The following PRKAR2B variants were observed in gnomAD, a reference collection of about 807,000 sequenced individuals.
PRKAR2B encodes the protein cAMP-dependent protein kinase type II-beta regulatory subunit.
A neutral mutation model predicts 49.9 loss-of-function variants in PRKAR2B; 14 were observed. The ratio of observed to expected loss-of-function variants is 0.28; its 90% CI spans 0.19 to 0.44. PRKAR2B has a LOEUF of 0.44. Among genes scored for constraint, PRKAR2B ranks in the 20% least tolerant of loss-of-function variants. The pLI is 1.00. For missense variants in PRKAR2B, 393 were observed against 537.9 expected, an observed-to-expected ratio of 0.73 and a Z score of 2.67; for synonymous variants, 196 against 197.7, an observed-to-expected ratio of 0.99 and a Z score of 0.07.
rs563293945 is a variant in PRKAR2B, at chr7:107,129,823, A to G, written c.480+1528A>G. Among the ~76,000 whole-genome samples the G allele has an allele frequency of 8.5e-5, 13 of 152,244 alleles. No individual in the cohort carries two copies. The South Asian group carries it at 1.9e-3, about 22-fold the overall frequency. ...GGTAACTTCCTGACATTGCCATGGC[A>G]TTTGTAAACTGTCATGGTTCTGGTG... On this transcript the variant is annotated intron_variant, in intron 4 of 10. Coordinates refer to ENST00000265717, the MANE Select transcript of PRKAR2B (RefSeq NM_002736.3).
chr7:107,154,993 T>C (rs1368482764), intron 8 of PRKAR2B, among the ~76,000 whole-genome samples: 4 of 152,176 alleles, frequency 2.6e-5, no homozygotes, highest in Non-Finnish European at 4.4e-5. Context: ...TGCTTTCTGC[T>C]CTTTGCAAGT....
intron 2 of PRKAR2B, among the ~76,000 whole-genome samples, chr7:107,099,058 A>G (rs1327257457): frequency 1.3e-5 from 2 of 152,194 alleles, no homozygotes; most frequent in African/African-American, 4.8e-5. Flanking sequence ...AGACAGGGAC[A>G]TTTAAGTCTG....
intron 2 of PRKAR2B, among the ~76,000 whole-genome samples, chr7:107,120,058 C>A (rs747534663): frequency 1.3e-5 from 2 of 152,182 alleles, no homozygotes; most frequent in Non-Finnish European, 2.9e-5. Flanking sequence ...CTTGGCTTTC[C>A]TGTGCCCTAG....
chr7:107,153,160 T>A lies in PRKAR2B; in HGVS notation c.844-17T>A. ...GTTAATTTGTTTCTATTTAATATTG[T>A]TTTTCTTTCTTTGTAGTTTTCTGAA... is the stretch of plus-strand genomic sequence containing the variant. On this transcript the variant is annotated splice_polypyrimidine_tract_variant and intron_variant, in intron 7 of 10. Coordinates refer to ENST00000265717, the MANE Select transcript of PRKAR2B (RefSeq NM_002736.3). The A allele has an allele frequency of 6.3e-7, 1 of 1,593,462 alleles. No individual in the cohort carries two copies. Among genetic ancestry groups the A allele is most frequent in the Non-Finnish European group, 8.6e-7 (1 of 1,167,992 alleles).
At chr7:107,048,233 T>A (rs1434312634) in intron 1 of PRKAR2B, among the ~76,000 whole-genome samples, 1 of 152,150 alleles carries the variant, frequency 6.6e-6, no homozygotes, top group Admixed American at 6.5e-5. Context: ...TGTGTTTTAT[T>A]GTTAAAGCTC....
intron 1 of PRKAR2B, among the ~76,000 whole-genome samples, chr7:107,049,688 G>A (rs1397580654): frequency 1.3e-5 from 2 of 152,080 alleles, no homozygotes; most frequent in African/African-American, 4.8e-5. Context: ...TTCTTGGCGA[G>A]GTGAAGCAGG....
chr7:107,141,440 C>T (rs1195311508), intron 5 of PRKAR2B, among the ~76,000 whole-genome samples: 1 of 152,186 alleles, frequency 6.6e-6, no homozygotes, highest in Non-Finnish European at 1.5e-5. Context: ...CCTGCAATCT[C>T]AGCACTTTGG....
Position 107,140,827 on chromosome 7 carries a change from C to T in PRKAR2B, c.481-20C>T, listed in dbSNP as rs764926769. 1.1e-5 allele frequency: 17 copies of T among 1,541,774 alleles called. No homozygotes were observed. The highest frequency in any genetic ancestry group is 1.5e-5 in the Non-Finnish European group (17 of 1,121,696). ...TTCTAGATAAACATAAAGATTATAT[C>T]CCATCTTTTTTAAAAATAGGAGCAG... is the stretch of plus-strand genomic sequence containing the variant. On this transcript the variant is annotated intron_variant, in intron 4 of 10. Coordinates refer to ENST00000265717, the MANE Select transcript of PRKAR2B (RefSeq NM_002736.3).
chr7:107,121,850 A>G (rs1562863647), intron 2 of PRKAR2B, 102 bp from the exon 3 acceptor site: 1 of 571,160 alleles, frequency 1.8e-6, no homozygotes, highest in Non-Finnish European at 2.8e-6. Flanking sequence ...ATGGTTTTTT[A>G]TACCGTGGTA....
At chr7:107,120,960 CT>C (rs1366981979) in intron 2 of PRKAR2B, among the ~76,000 whole-genome samples, 1 of 150,752 alleles carries the variant, frequency 6.6e-6, no homozygotes, top group Non-Finnish European at 1.5e-5. Context: ...GGCTTAAAAT[CT>C]TTGTCAATTT....
intron 5 of PRKAR2B, among the ~76,000 whole-genome samples, chr7:107,143,330 C>T (rs1001965714): frequency 6.6e-6 from 1 of 152,198 alleles, no homozygotes; most frequent in African/African-American, 2.4e-5. Context: ...CACACCTGAC[C>T]TCATGTGATG....
intron 4 of PRKAR2B, chr7:107,129,024 TG>T (rs1451876341): frequency 6.6e-6 from 1 of 152,194 alleles, no homozygotes; most frequent in Admixed American, 6.5e-5. Context: ...AGTCAACTTT[TG>T]TAACTTACCT....
chr7:107,062,456 A>G (rs1032904776), intron 1 of PRKAR2B, among the ~76,000 whole-genome samples: 1 of 152,236 alleles, frequency 6.6e-6, no homozygotes, highest in African/African-American at 2.4e-5. Flanking sequence ...CATCAATAAA[A>G]AAGAACAGTA....
rs1431701769 is a variant in PRKAR2B, at chr7:107,085,212, C to T, written c.343+14896C>T. 2.0e-5 allele frequency among the ~76,000 whole-genome samples: 3 copies of T among 152,056 alleles called. No individual in the cohort carries two copies. The East Asian group carries it at 5.8e-4, about 29-fold the overall frequency. On this transcript the variant is annotated intron_variant, in intron 2 of 10. Coordinates refer to ENST00000265717, the MANE Select transcript of PRKAR2B (RefSeq NM_002736.3). ...GAAGGTGAGGAGAGGGAGGAATATACAAGGGAGGTGGGCATGGATGGAGTG... is the reference window on the plus strand; with the variant it reads ...GAAGGTGAGGAGAGGGAGGAATATATAAGGGAGGTGGGCATGGATGGAGTG...
At chr7:107,094,488 C>T (rs1323811761) in intron 2 of PRKAR2B, among the ~76,000 whole-genome samples, 3 of 152,134 alleles carry the variant, frequency 2.0e-5, no homozygotes, top group Admixed American at 6.6e-5. Flanking sequence ...GTTTCTTTTG[C>T]TGTGCAGAAG....
intron 5 of PRKAR2B, among the ~76,000 whole-genome samples, chr7:107,142,961 CCATGT>C (rs1562869790): frequency 6.6e-6 from 1 of 152,134 alleles, no homozygotes; most frequent in African/African-American, 2.4e-5. Context: ...CAAGGTATCA[CCATGT>C]TGGTCGGGCT....
At chr7:107,092,622 T>G (rs1794751268) in intron 2 of PRKAR2B, among the ~76,000 whole-genome samples, 1 of 152,170 alleles carries the variant, frequency 6.6e-6, no homozygotes. Flanking sequence ...TTAAGGAAAT[T>G]AAGAGAAGAG....
chr7:107,096,514 G>T (rs1018510817), intron 2 of PRKAR2B, among the ~76,000 whole-genome samples: 1 of 150,940 alleles, frequency 6.6e-6, no homozygotes, highest in African/African-American at 2.4e-5. Flanking sequence ...ATCTCCTTCA[G>T]TTCTGCTCTG....
At chr7:107,134,516 A>C (rs1364860612) in intron 4 of PRKAR2B, among the ~76,000 whole-genome samples, 2 of 152,230 alleles carry the variant, frequency 1.3e-5, no homozygotes, top group African/African-American at 2.4e-5. Flanking sequence ...TACATATAAC[A>C]GCAGATTCCA....
Sources: allele counts gnomAD v4.1 joint callset (sites outside exome capture counted in the v4.1 genomes callset), GRCh38; gene constraint gnomAD v4.1.1; transcripts MANE v1.5; gene names NCBI Gene and HGNC (gene_info 2026-07-23, HGNC 2026-07-21).